Variants in EGFR observed in about 807,000 individuals in gnomAD.
EGFR encodes epidermal growth factor receptor, also known as avian erythroblastic leukemia viral (v-erb-b) oncogene homolog.
In EGFR, 58 loss-of-function variants were observed where a neutral mutation model predicts 143.0. That is an observed-to-expected ratio of 0.41 (90% CI 0.33 to 0.50). EGFR has a LOEUF of 0.50. EGFR is among the 20% of genes least tolerant of loss of function. The pLI, the probability that EGFR is intolerant of heterozygous loss-of-function variation, is 0.39. For synonymous variants in EGFR, 613 were observed against 594.4 expected (o/e 1.03, Z -0.45); for missense variants, 1,307 against 1,579.0 (o/e 0.83, Z 2.92).
chr7:55,102,584 A>AT (rs987023836), intron 1 of EGFR, among the ~76,000 whole-genome samples: 19 of 151,858 alleles, frequency 1.3e-4, no homozygotes, highest in African/African-American at 4.4e-4. Flanking sequence ...CAATGTAACA[A>AT]TTTTTTTTAC....
chr7:55,069,590 G>GC (rs1408786064), intron 1 of EGFR, among the ~76,000 whole-genome samples: 2 of 152,174 alleles, frequency 1.3e-5, no homozygotes, highest in Non-Finnish European at 2.9e-5. Flanking sequence ...CTCCAGCTTG[G>GC]CTTTTGTCCT....
intron 1 of EGFR, among the ~76,000 whole-genome samples, chr7:55,093,700 A>G (rs1351222064): frequency 6.6e-6 from 1 of 152,182 alleles, no homozygotes; most frequent in African/African-American, 2.4e-5. Context: ...TCCAATTTTG[A>G]TGGAAACTTT....
chr7:55,069,151 A>G (rs1266792980), intron 1 of EGFR, among the ~76,000 whole-genome samples: 2 of 152,222 alleles, frequency 1.3e-5, no homozygotes, highest in East Asian at 3.9e-4. Context: ...ACTAAATGCA[A>G]ATAAACCTAG....
intron 8 of EGFR, 78 bp downstream of exon 8, chr7:55,156,024 C>A (rs986530508): frequency 7.4e-6 from 7 of 942,002 alleles, no homozygotes; most frequent in Non-Finnish European, 1.2e-5. Flanking sequence ...TCCAAAGGAA[C>A]ACATCTTCCT....
At chr7:55,046,999 A>G (rs1318125088) in intron 1 of EGFR, among the ~76,000 whole-genome samples, 1 of 152,262 alleles carries the variant, frequency 6.6e-6, no homozygotes, top group East Asian at 1.9e-4. Context: ...CACAAAATGT[A>G]TGCCTTAGAT....
intron 1 of EGFR, among the ~76,000 whole-genome samples, chr7:55,085,419 G>A (rs1790697040): frequency 6.6e-6 from 1 of 152,246 alleles, no homozygotes; most frequent in Non-Finnish European, 1.5e-5. Flanking sequence ...GGCTCCAGGT[G>A]CAGAGAGCAG....
intron 1 of EGFR, among the ~76,000 whole-genome samples, chr7:55,110,710 A>G (rs1792427628): frequency 6.6e-6 from 1 of 152,168 alleles, no homozygotes; most frequent in Non-Finnish European, 1.5e-5. Context: ...GTAGAATTTC[A>G]AATATTGCTT....
chr7:55,049,124 A>G (rs1788339842), intron 1 of EGFR, among the ~76,000 whole-genome samples: 1 of 152,234 alleles, frequency 6.6e-6, no homozygotes, highest in Non-Finnish European at 1.5e-5. Flanking sequence ...CTGATGCAAT[A>G]CAGTTTTACA....
chr7:55,090,055 G>T (rs1291550938), intron 1 of EGFR, among the ~76,000 whole-genome samples: 1 of 152,002 alleles, frequency 6.6e-6, no homozygotes, highest in Non-Finnish European at 1.5e-5. Context: ...TGCAAGCTCT[G>T]CCTCCCGGGT....
intron 1 of EGFR, among the ~76,000 whole-genome samples, chr7:55,020,344 C>T (rs944416469): frequency 1.3e-5 from 2 of 152,194 alleles, no homozygotes; most frequent in East Asian, 1.9e-4. Flanking sequence ...CTGGGCTTCG[C>T]GGTGGAGCGG....
intron 1 of EGFR, among the ~76,000 whole-genome samples, chr7:55,070,167 T>C (rs1421214085): frequency 6.6e-6 from 1 of 152,216 alleles, no homozygotes; most frequent in African/African-American, 2.4e-5. Flanking sequence ...TTTTCTCCCC[T>C]ATCCCAGGCT....
At chr7:55,075,065 G>A (rs369799359) in intron 1 of EGFR, among the ~76,000 whole-genome samples, 1 of 152,106 alleles carries the variant, frequency 6.6e-6, no homozygotes, top group South Asian at 2.1e-4. Flanking sequence ...GTAAGTAACT[G>A]AATAGAAGGC....
At chr7:55,151,790 C>T (rs17289781) in intron 5 of EGFR, among the ~76,000 whole-genome samples, 2,086 of 152,308 alleles carry the variant, frequency 0.014, 42 homozygotes, top group African/African-American at 0.045. Flanking sequence ...AGGAGAATGG[C>T]ATGAACCTGG....
At position 55,092,836 on chromosome 7, in the gene EGFR, A is replaced by T. The variant is rs550605926; in HGVS notation, c.89-49450A>T. 4.6e-5 allele frequency among the ~76,000 whole-genome samples: 7 copies of T among 152,392 alleles called. No individual in the cohort carries two copies. The South Asian group carries it at 1.4e-3, about 32-fold the overall frequency. On this transcript the variant is annotated intron_variant, in intron 1 of 27. Transcript: ENST00000275493. ...GCACCGTATCTCCAGCAATTCGCAGATAACAAATATGGTTCTGATGATGTT... is the reference window on the plus strand; with the variant it reads ...GCACCGTATCTCCAGCAATTCGCAGTTAACAAATATGGTTCTGATGATGTT...
chr7:55,061,649 T>TGTGTGTGTGTGTGTGAGA (rs1432070752), intron 1 of EGFR, among the ~76,000 whole-genome samples: 2 of 132,736 alleles, frequency 1.5e-5, no homozygotes, highest in African/African-American at 3.0e-5. Context: ...TGTGTGTGTG[T>TGTGTGTGTGTGTGTGAGA]GAGAGAGAGA....
intron 4 of EGFR, 75 bp from the exon 5 acceptor site, chr7:55,151,219 C>T (rs1785134257): frequency 1.4e-6 from 2 of 1,442,016 alleles, no homozygotes; most frequent in Admixed American, 1.7e-5. Context: ...ATGTGCTTAA[C>T]TCAGGCCCGG....
chr7:55,205,684 G>A lies in EGFR; in HGVS notation c.*67G>A, dbSNP rs1338508884. 3 of 1,612,610 alleles carry A rather than the reference G, an allele frequency of 1.9e-6. No homozygotes were observed. Among genetic ancestry groups the A allele is most frequent in the Admixed American group, 1.7e-5 (1 of 60,000 alleles). On this transcript the variant is annotated 3_prime_UTR_variant, in exon 28 of 28. Transcript: ENST00000275493. ...GATACCCAGGACCAAGCCACAGCAG[G>A]TCCTCCATCCCAACAGCCATGCCCG...
At chr7:55,133,927 C>T (rs1793993941) in intron 1 of EGFR, among the ~76,000 whole-genome samples, 2 of 152,192 alleles carry the variant, frequency 1.3e-5, no homozygotes, top group African/African-American at 4.8e-5. Context: ...AAAGAGAGAG[C>T]CCCTGAACAT....
Position 55,206,193 on chromosome 7 carries a change from G to A in EGFR, c.*576G>A, listed in dbSNP as rs958528707. The A allele has an allele frequency of 4.0e-6, 1 of 250,634 alleles. No homozygotes were observed. The highest frequency in any genetic ancestry group is 7.8e-6 in the Non-Finnish European group (1 of 128,956). The allele number at this position is 250,634 out of a possible 1,614,324, so 15.5% of individuals were successfully genotyped here. A position where few individuals can be genotyped will look rare whatever the true frequency, so the allele number is the denominator to read the frequency against. On this transcript the variant is annotated 3_prime_UTR_variant, in exon 28 of 28. Transcript: ENST00000275493. ...CCGGATCGGTACTGTATCAAGTCATGGCAGGTACAGTAGGATAAGCCACTC... is the reference window on the plus strand; with the variant it reads ...CCGGATCGGTACTGTATCAAGTCATAGCAGGTACAGTAGGATAAGCCACTC...
Sources: gnomAD v4.1 joint callset for allele counts (sites outside exome capture counted in the v4.1 genomes callset) on GRCh38, gnomAD v4.1.1 for gene constraint, MANE v1.5 for transcripts, NCBI Gene and HGNC (gene_info 2026-07-23, HGNC 2026-07-21) for gene names.